The following ADCY9 variants were observed in gnomAD, a reference collection of about 807,000 sequenced individuals.
The protein encoded by ADCY9 is adenylate cyclase type 9.
In ADCY9, 50 loss-of-function variants were observed where a neutral mutation model predicts 101.5. The observed-to-expected ratio is 0.49, with a 90% confidence interval of 0.39 to 0.62. ADCY9 has a LOEUF of 0.62. ADCY9 is among the 20% of genes least tolerant of loss of function. The pLI, the probability that ADCY9 is intolerant of heterozygous loss-of-function variation, is 0.00. For missense variants in ADCY9, 1,662 were observed against 1,800.4 expected (o/e 0.92, Z 1.39); for synonymous variants, 905 against 769.3 (o/e 1.18, Z -2.92).
intron 2 of ADCY9, among the ~76,000 whole-genome samples, chr16:4,026,396 C>A (rs1234143160): frequency 6.9e-5 from 10 of 145,330 alleles, no homozygotes; most frequent in African/African-American, 2.0e-4. Flanking sequence ...TGCACTCCAG[C>A]CTGAGCCAAC....
intron 6 of ADCY9, among the ~76,000 whole-genome samples, chr16:3,986,686 G>T (rs1158889722): frequency 6.6e-6 from 1 of 152,102 alleles, no homozygotes; most frequent in Non-Finnish European, 1.5e-5. Flanking sequence ...TCGAACTCCT[G>T]ACCTCAGGTG....
intron 2 of ADCY9, among the ~76,000 whole-genome samples, chr16:4,011,518 T>C (rs2056404236): frequency 6.6e-6 from 1 of 152,152 alleles, no homozygotes; most frequent in Non-Finnish European, 1.5e-5. Context: ...ACGGGAAACC[T>C]ACTCCCCACA....
chr16:4,106,015 C>G (rs1370804016), intron 2 of ADCY9, among the ~76,000 whole-genome samples: 2 of 152,196 alleles, frequency 1.3e-5, no homozygotes, highest in Middle Eastern at 3.2e-3. Flanking sequence ...ACAACTCATT[C>G]TGCCTCCACT....
At position 3,965,601 on chromosome 16, in the gene ADCY9, T is replaced by A; in HGVS notation, c.*174A>T. The A allele has an allele frequency of 1.5e-6, 1 of 646,576 alleles. No individual in the cohort carries two copies. The highest frequency in any genetic ancestry group is 2.0e-5 in the South Asian group (1 of 49,252). The allele number at this position is 646,576 out of a possible 1,614,324, so 40.1% of individuals were successfully genotyped here. The stretch of plus-strand genomic sequence containing the variant: ...CAGGGAAGGGAGCGAAAGGGAAGAA[T>A]GGATGAAAATGAACCCTGAATAACT... On this transcript the variant is annotated 3_prime_UTR_variant, in exon 11 of 11. Transcript: ENST00000294016.
At chr16:4,085,178 A>G (rs1191135007) in intron 2 of ADCY9, among the ~76,000 whole-genome samples, 1 of 152,128 alleles carries the variant, frequency 6.6e-6, no homozygotes, top group African/African-American at 2.4e-5. Flanking sequence ...CCTGGCCAAC[A>G]TGGCCAAACC....
chr16:4,040,360 A>G (rs997874965), intron 2 of ADCY9, among the ~76,000 whole-genome samples: 3 of 152,136 alleles, frequency 2.0e-5, no homozygotes, highest in Non-Finnish European at 4.4e-5. Flanking sequence ...TTCTTTTAAG[A>G]CAAACACTTG....
chr16:4,027,538 G>T (rs546015367), intron 2 of ADCY9, among the ~76,000 whole-genome samples: 10 of 152,212 alleles, frequency 6.6e-5, no homozygotes, highest in Non-Finnish European at 5.9e-5. Flanking sequence ...CTTCCATGAC[G>T]GCAGGGAAGA....
At chr16:4,098,185 C>G (rs573892850) in intron 2 of ADCY9, among the ~76,000 whole-genome samples, 3 of 151,768 alleles carry the variant, frequency 2.0e-5, no homozygotes, top group African/African-American at 7.3e-5. Context: ...ACTCCTCAGT[C>G]TGCAAACATG....
At chr16:4,023,192 G>A (rs1195404286) in intron 2 of ADCY9, among the ~76,000 whole-genome samples, 2 of 152,242 alleles carry the variant, frequency 1.3e-5, no homozygotes, top group East Asian at 1.9e-4. Context: ...GGGAGCACCC[G>A]CTGCAGGCCA....
At chr16:4,075,087 G>A (rs1211954596) in intron 2 of ADCY9, among the ~76,000 whole-genome samples, 1 of 152,186 alleles carries the variant, frequency 6.6e-6, no homozygotes, top group Non-Finnish European at 1.5e-5. Flanking sequence ...TGAGGTAGGA[G>A]GATCACTTCA....
chr16:3,955,194 C>A (rs760788331), intron 5 of ADCY9, among the ~76,000 whole-genome samples: 5 of 151,440 alleles, frequency 3.3e-5, no homozygotes, highest in African/African-American at 1.2e-4. Context: ...TCCAAAATTA[C>A]GTCAAAAATT....
At chr16:4,050,365 G>A (rs763381100) in intron 2 of ADCY9, among the ~76,000 whole-genome samples, 5 of 152,274 alleles carry the variant, frequency 3.3e-5, no homozygotes, top group Admixed American at 1.3e-4. Context: ...ATGTGTGCCC[G>A]TGTGTGTATG....
chr16:3,956,503 T>TTTTTTTTTTGG (rs55792938), intron 5 of ADCY9, among the ~76,000 whole-genome samples: 3 of 69,576 alleles, frequency 4.3e-5, no homozygotes, highest in African/African-American at 1.2e-4. Flanking sequence ...TTTTTTTTTT[T>TTTTTTTTTTGG]GGGGGGGGAT....
chr16:4,103,860 C>G (rs2057059470), intron 2 of ADCY9, among the ~76,000 whole-genome samples: 1 of 152,030 alleles, frequency 6.6e-6, no homozygotes, highest in South Asian at 2.1e-4. Context: ...AAAAGAATGT[C>G]CCAGATGAAG....
Position 4,115,001 on chromosome 16 carries a change from G to C in ADCY9, c.442C>G (p.Pro148Ala), listed in dbSNP as rs1325217251. ...CACACCAGGAGGAAGCACAGCGCGG[G>C]GGCGACCATGACGATCAGTCTGGAT... ...MRSRLIVMVAPALCFLLVCVG... is the reference protein window; with the variant it reads ...MRSRLIVMVAAALCFLLVCVG... Residue 148 changes from proline (P) to alanine (A), a missense_variant, in exon 2 of 11, where the codon CCC (proline) becomes GCC (alanine). This residue lies in a region of ADCY9 where 422 missense variants were observed against 392.0 expected (regional missense o/e 1.08). Transcript: ENST00000294016. The surrounding 1 kb of genome is among the most constrained non-coding windows in gnomAD (Gnocchi z 6.2). 1 of 1,614,090 alleles carries C rather than the reference G, an allele frequency of 6.2e-7. No individual in the cohort carries two copies. The highest frequency in any genetic ancestry group is 8.5e-7 in the Non-Finnish European group (1 of 1,180,030).
At chr16:4,022,768 T>G (rs2141742067) in intron 2 of ADCY9, among the ~76,000 whole-genome samples, 1 of 152,292 alleles carries the variant, frequency 6.6e-6, no homozygotes, top group Admixed American at 6.5e-5. Flanking sequence ...CACTCCAGCC[T>G]GGGTATCAGA....
At chr16:3,973,169 TTTA>T (rs1476957156) in intron 10 of ADCY9, among the ~76,000 whole-genome samples, 2 of 152,226 alleles carry the variant, frequency 1.3e-5, no homozygotes, top group African/African-American at 4.8e-5. Context: ...AGTTAATTTA[TTTA>T]TTATTGACAA....
intron 2 of ADCY9, among the ~76,000 whole-genome samples, chr16:4,077,077 C>CA (rs56303992): frequency 0.78 from 107,892 of 138,818 alleles, 41,010 homozygotes; most frequent in African/African-American, 0.82. Flanking sequence ...GACTTCGTCT[C>CA]AAAAAAAAAA....
At chr16:4,000,483 G>A (rs1015066469) in intron 3 of ADCY9, among the ~76,000 whole-genome samples, 14 of 152,176 alleles carry the variant, frequency 9.2e-5, no homozygotes, top group African/African-American at 3.4e-4. Flanking sequence ...ACAAAATAGA[G>A]TATTTCTGCT....
Sources: allele counts gnomAD v4.1 joint callset (sites outside exome capture counted in the v4.1 genomes callset), GRCh38; gene constraint gnomAD v4.1.1; regional missense constraint gnomAD v4.1.1; non-coding constraint Gnocchi (gnomAD v3.1); transcripts MANE v1.5; gene names NCBI Gene and HGNC (gene_info 2026-07-23, HGNC 2026-07-21).